MYO10: variants seen among roughly 807,000 people sequenced by gnomAD.
MYO10 encodes myosin X.
Under a neutral mutation model 257.3 loss-of-function variants are expected in MYO10, and 133 were observed. The observed-to-expected ratio is 0.52, with a 90% CI of 0.45 to 0.60. The LOEUF (loss-of-function observed/expected upper bound fraction) is 0.60. Ranked by LOEUF, MYO10 falls within the 20% of genes least tolerant of loss-of-function variation. MYO10 has a pLI of 0.00. For missense variants in MYO10, 2,399 were observed against 2,635.7 expected, an observed-to-expected ratio of 0.91 and a Z score of 1.97; for synonymous variants, 1,104 against 1,028.6, an observed-to-expected ratio of 1.07 and a Z score of -1.40.
intron 33 of MYO10, among the ~76,000 whole-genome samples, chr5:16,676,583 C>T (rs1736733791): frequency 6.6e-6 from 1 of 152,074 alleles, no homozygotes. Context: ...GGTGTGGTGG[C>T]TGAGTAGCTG....
chr5:16,764,355 C>G lies in MYO10; in HGVS notation c.1221G>C (p.Ala407=). ...TCTTGATTACCCACTCAAAGCAGCA[C>G]GCATACAGAGCCATGGCCAGGGAGT... ...SRDSLAMALY[A]CCFEWVIKKI... Residue 407 remains alanine (A), a synonymous_variant, in exon 12 of 41, where the codon GCG becomes GCC. Transcript: ENST00000513610. 1.2e-6 allele frequency: 2 copies of G among 1,613,942 alleles called. No individual in the cohort carries two copies. The highest frequency in any genetic ancestry group is 8.5e-7 in the Non-Finnish European group (1 of 1,179,886).
chr5:16,806,980 G>C (rs1422766386), intron 3 of MYO10, among the ~76,000 whole-genome samples: 1 of 152,156 alleles, frequency 6.6e-6, no homozygotes, highest in East Asian at 1.9e-4. Context: ...AATGCTTTTC[G>C]TCATGTAGTC....
At chr5:16,719,082 T>C (rs942687910) in intron 19 of MYO10, among the ~76,000 whole-genome samples, 1 of 152,132 alleles carries the variant, frequency 6.6e-6, no homozygotes, top group African/African-American at 2.4e-5. Context: ...CAATAAATCT[T>C]GCTACTGCTC....
At chr5:16,734,117 AAAG>A (rs1213911020) in intron 19 of MYO10, among the ~76,000 whole-genome samples, 2 of 151,966 alleles carry the variant, frequency 1.3e-5, no homozygotes, top group Non-Finnish European at 1.5e-5. Flanking sequence ...GCAAAAAAAA[AAAG>A]AAAGAAAGAA....
chr5:16,885,011 A>G (rs2126768434), intron 1 of MYO10, among the ~76,000 whole-genome samples: 1 of 152,296 alleles, frequency 6.6e-6, no homozygotes, highest in East Asian at 1.9e-4. Flanking sequence ...CCCAACAGAT[A>G]AAGTATCGCT....
chr5:16,682,532 C>T (rs1358270148), intron 30 of MYO10, among the ~76,000 whole-genome samples: 1 of 152,176 alleles, frequency 6.6e-6, no homozygotes, highest in Admixed American at 6.6e-5. Flanking sequence ...TTCCTAGTCA[C>T]GGATAACGTG....
At chr5:16,772,120 T>C (rs1323268404) in intron 9 of MYO10, among the ~76,000 whole-genome samples, 1 of 151,946 alleles carries the variant, frequency 6.6e-6, no homozygotes, top group African/African-American at 2.4e-5. Context: ...TAGTAAGTTA[T>C]ATGAATATTG....
intron 19 of MYO10, among the ~76,000 whole-genome samples, chr5:16,728,808 T>C (rs1739469306): frequency 6.6e-6 from 1 of 152,216 alleles, no homozygotes; most frequent in Admixed American, 6.5e-5. Context: ...ACTCCAAGTG[T>C]GGCCTGGGAC....
At position 16,804,036 on chromosome 5, in the gene MYO10, G is replaced by A. The variant is rs114209199; in HGVS notation, c.280-9203C>T. Among the ~76,000 whole-genome samples, 406 of 152,298 alleles carry A rather than the reference G, an allele frequency of 2.7e-3. 1 individual carries two copies. Among genetic ancestry groups the A allele is most frequent in the Middle Eastern group, 6.8e-3 (2 of 294 alleles). On this transcript the variant is annotated intron_variant, in intron 3 of 40. Transcript: ENST00000513610. ...AATAAGATATTGTCCCTACGGTCAC[G>A]GAGCCCGTGAGTCAGAGTGAAGGCA...
chr5:16,887,018 TA>T (rs1029572383), intron 1 of MYO10, among the ~76,000 whole-genome samples: 10 of 151,056 alleles, frequency 6.6e-5, no homozygotes, highest in Admixed American at 3.3e-4. Flanking sequence ...TAAACACACC[TA>T]AAAAAAACAC....
Position 16,879,024 on chromosome 5 carries a change from G to A in MYO10, c.22-1317C>T, listed in dbSNP as rs572138296. Among the ~76,000 whole-genome samples, 4 of 151,234 alleles carry A rather than the reference G, an allele frequency of 2.6e-5. No homozygotes were observed. The East Asian group carries it at 5.8e-4, about 22-fold the overall frequency. ...AAAAAAAAAGAATTACTTTTATGAC[G>A]TTTACCCATATGATGGAATGCAACA... On this transcript the variant is annotated intron_variant, in intron 1 of 40. Coordinates refer to ENST00000513610, the MANE Select transcript of MYO10 (RefSeq NM_012334.3).
chr5:16,795,407 C>G (rs1173544112), intron 3 of MYO10, among the ~76,000 whole-genome samples: 1 of 152,100 alleles, frequency 6.6e-6, no homozygotes, highest in African/African-American at 2.4e-5. Context: ...AGTTCAAGGC[C>G]AGCCTGGCCA....
intron 21 of MYO10, among the ~76,000 whole-genome samples, chr5:16,710,482 C>T (rs1351424241): frequency 6.6e-6 from 1 of 152,184 alleles, no homozygotes; most frequent in African/African-American, 2.4e-5. Flanking sequence ...AGACCGGCTA[C>T]TGATCTCTCG....
At chr5:16,931,358 C>T (rs886860100) in intron 1 of MYO10, among the ~76,000 whole-genome samples, 4 of 152,184 alleles carry the variant, frequency 2.6e-5, no homozygotes, top group Admixed American at 6.6e-5. Context: ...TCAAGGTTTA[C>T]ATCCTCAAAT....
intron 1 of MYO10, among the ~76,000 whole-genome samples, chr5:16,906,370 C>T (rs778766664): frequency 6.6e-5 from 10 of 152,162 alleles, no homozygotes; most frequent in African/African-American, 9.7e-5. Context: ...ATCCTGAGGA[C>T]GGTAGGAAGT....
At chr5:16,830,749 A>G (rs1204322642) in intron 2 of MYO10, among the ~76,000 whole-genome samples, 1 of 151,984 alleles carries the variant, frequency 6.6e-6, no homozygotes, top group Non-Finnish European at 1.5e-5. Flanking sequence ...ACATTTGCAA[A>G]AAAACTTGCA....
intron 6 of MYO10, among the ~76,000 whole-genome samples, chr5:16,781,131 G>A (rs1338296764): frequency 1.3e-5 from 2 of 150,678 alleles, no homozygotes; most frequent in Admixed American, 1.3e-4. Flanking sequence ...CCAGGCTGGA[G>A]TGCAGTGGCA....
intron 4 of MYO10, among the ~76,000 whole-genome samples, chr5:16,789,625 A>C (rs1741694974): frequency 1.3e-5 from 2 of 152,080 alleles, no homozygotes; most frequent in Admixed American, 1.3e-4. Context: ...TCATATCGTA[A>C]AAATACGATA....
intron 2 of MYO10, among the ~76,000 whole-genome samples, chr5:16,820,799 A>G (rs1053184759): frequency 2.0e-5 from 3 of 151,598 alleles, no homozygotes; most frequent in African/African-American, 7.3e-5. Flanking sequence ...AAACACAGAC[A>G]CTAATTATAT....
Sources: gnomAD v4.1 joint callset for allele counts (sites outside exome capture counted in the v4.1 genomes callset) on GRCh38, gnomAD v4.1.1 for gene constraint, MANE v1.5 for transcripts, NCBI Gene and HGNC (gene_info 2026-07-23, HGNC 2026-07-21) for gene names.